Variants in DISP3 observed in about 807,000 individuals in gnomAD.
DISP3 encodes protein dispatched homolog 3.
In DISP3, 101 loss-of-function variants were observed where a neutral mutation model predicts 135.3. The ratio of observed to expected loss-of-function variants is 0.75; its 90% CI spans 0.64 to 0.88. DISP3 has a LOEUF of 0.88. Among genes scored for constraint, DISP3 ranks in the 40% least tolerant of loss-of-function variants. The pLI is 0.00. For synonymous variants in DISP3, 856 were observed against 817.0 expected (o/e 1.05, Z -0.81); for missense variants, 1,713 against 1,878.6 (o/e 0.91, Z 1.63).
chr1:11,479,331 C>T lies in DISP3; in HGVS notation c.-45C>T, dbSNP rs906679483. ...CCCCCCGACCCTCTGCGCACTCTCT[C>T]CCGCGCCGGCGGCTCAGCCTAGCCC... is the stretch of plus-strand genomic sequence containing the variant. On this transcript the variant is annotated 5_prime_UTR_variant, in exon 1 of 21. Coordinates refer to ENST00000294484, the MANE Select transcript of DISP3 (RefSeq NM_020780.2). 1 of 154,546 alleles carries T rather than the reference C, an allele frequency of 6.5e-6. No homozygotes were observed. The highest frequency in any genetic ancestry group is 1.5e-5 in the Non-Finnish European group (1 of 68,128). The allele number at this position is 154,546 out of a possible 1,614,324, so 9.6% of individuals were successfully genotyped here.
chr1:11,493,168 A>T (rs1301264582), intron 1 of DISP3, among the ~76,000 whole-genome samples: 1 of 152,198 alleles, frequency 6.6e-6, no homozygotes, highest in Non-Finnish European at 1.5e-5. Flanking sequence ...CTGATGGTAT[A>T]GTTGCAGTTT....
chr1:11,536,642 C>A lies in DISP3; in HGVS notation c.4135C>A (p.Gln1379Lys). ...GCTGGGTGCCTGCCTCGTGCTCCTG[C>A]AGAGCGGCTATAAGATTCCCCTGCC... ...LGLGACLVLL[Q>K]SGYKIPLPAG... Residue 1379 changes from glutamine (Q) to lysine (K), a missense_variant, in exon 21 of 21, where the codon CAG (glutamine) becomes AAG (lysine). Physicochemically the swap from Gln to Lys is moderately conservative, Grantham distance 53. Around this residue, in one of 2 missense-constraint regions of DISP3, gnomAD observed 1,142 missense variants for 1,384.6 expected, o/e 0.82. Coordinates refer to ENST00000294484, the MANE Select transcript of DISP3 (RefSeq NM_020780.2). This position sits in a 1 kb window ranked among gnomAD's most constrained non-coding sequence, Gnocchi z 4.3. The A allele has an allele frequency of 3.1e-6, 5 of 1,599,764 alleles. No individual in the cohort carries two copies. The highest frequency in any genetic ancestry group is 3.4e-6 in the Non-Finnish European group (4 of 1,174,316).
In DISP3 at chr1:11,529,842, CT is replaced by C. The variant is rs756034378; in HGVS notation, c.2986del (p.Cys996AlafsTer9). The C allele has an allele frequency of 6.2e-7, 1 of 1,614,028 alleles. No individual in the cohort carries two copies. The highest frequency in any genetic ancestry group is 1.1e-5 in the South Asian group (1 of 91,082). The part of the protein sequence containing the change: ...FGFNPCVNTG[C>X]GKPAVRPLVD... Reference sequence around the variant, plus strand: ...GCTTCAACCCCTGCGTGAACACGGGCTGCGGGAAGCCGGCGGTGCGGCCACT... The same window carrying C: ...GCTTCAACCCCTGCGTGAACACGGGCGCGGGAAGCCGGCGGTGCGGCCACT... On this transcript the variant is annotated frameshift_variant, in exon 15 of 21. Coordinates refer to ENST00000294484, the MANE Select transcript of DISP3 (RefSeq NM_020780.2). LOFTEE classifies it high-confidence loss of function. This position sits in a 1 kb window ranked among gnomAD's most constrained non-coding sequence, Gnocchi z 4.7.
chr1:11,523,116 A>C (rs1642295419), intron 10 of DISP3, among the ~76,000 whole-genome samples: 1 of 152,252 alleles, frequency 6.6e-6, no homozygotes, highest in South Asian at 2.1e-4. Flanking sequence ...CGGGGCTGCA[A>C]GTCCCTCCCT....
At chr1:11,498,956 C>A (rs1641420922) in intron 1 of DISP3, among the ~76,000 whole-genome samples, 1 of 152,198 alleles carries the variant, frequency 6.6e-6, no homozygotes, top group Non-Finnish European at 1.5e-5. Context: ...CACTGCCTCT[C>A]CCTCCCTTCC....
At chr1:11,533,739 A>ACACACGCACGCG (rs370458852) in intron 17 of DISP3, 11 of 714,178 alleles carry the variant, frequency 1.5e-5, no homozygotes, top group Middle Eastern at 2.3e-4. Flanking sequence ...ACACGCATGC[A>ACACACGCACGCG]CACACACACG....
At chr1:11,528,200 G>A (rs1642478939) in intron 13 of DISP3, among the ~76,000 whole-genome samples, 1 of 152,184 alleles carries the variant, frequency 6.6e-6, no homozygotes, top group South Asian at 2.1e-4. Context: ...AGGAGAGCGA[G>A]GGGAGGGCCC....
rs2100467419 is a variant in DISP3 at position 11,519,683 on chromosome 1, T to C, written c.2039-36T>C. The C allele has an allele frequency of 6.2e-7, 1 of 1,601,006 alleles. No individual in the cohort carries two copies. The highest frequency in any genetic ancestry group is 8.5e-7 in the Non-Finnish European group (1 of 1,172,588). On this transcript the variant is annotated intron_variant, in intron 8 of 20. Coordinates refer to ENST00000294484, the MANE Select transcript of DISP3 (RefSeq NM_020780.2). The surrounding 1 kb of genome is among the most constrained non-coding windows in gnomAD (Gnocchi z 4.3). ...GAGCGTGGACCACAGTGGGCTTTGA[T>C]TCAGGCTCTGACGGGCCACTGCTCT...
At position 11,531,685 on chromosome 1, in the gene DISP3, A is replaced by G; in HGVS notation, c.3350A>G (p.Gln1117Arg). 1.2e-6 allele frequency: 2 copies of G among 1,609,666 alleles called. No homozygotes were observed. Among genetic ancestry groups the G allele is most frequent in the Non-Finnish European group, 1.7e-6 (2 of 1,177,848 alleles). The change falls in exon 17 of 21, where the codon CAG becomes CGG. Residue 1117 changes from glutamine (Q) to arginine (R), a missense_variant. Transcript: ENST00000294484. The surrounding 1 kb of genome is among the most constrained non-coding windows in gnomAD (Gnocchi z 5.2). ...GTGGGCGTCAGGGAGGGCCGCGTGC[A>G]GTGGATCTCCATGGCTTTCGAGTCG... ...GAVGVREGRVQWISMAFESTT... is the reference protein window; with the variant it reads ...GAVGVREGRVRWISMAFESTT...
At chr1:11,489,520 C>T (rs1316545272) in intron 1 of DISP3, among the ~76,000 whole-genome samples, 1 of 152,210 alleles carries the variant, frequency 6.6e-6, no homozygotes, top group Non-Finnish European at 1.5e-5. Flanking sequence ...ACAGCAGGAT[C>T]CCTGCATGCT....
chr1:11,526,298 C>G (rs967755850), intron 12 of DISP3, among the ~76,000 whole-genome samples: 1 of 152,236 alleles, frequency 6.6e-6, no homozygotes, highest in African/African-American at 2.4e-5. Flanking sequence ...CCTCCTCTCC[C>G]TGCCATTTAT....
rs1032821244 is a variant in DISP3, at chr1:11,491,767, G to A, written c.-3-9223G>A. Among the ~76,000 whole-genome samples, 8 of 152,178 alleles carry A rather than the reference G, an allele frequency of 5.3e-5. No individual in the cohort carries two copies. The highest frequency in any genetic ancestry group is 9.7e-5 in the African/African-American group (4 of 41,446). ...TTTGGGGCAGAGAATAAGGGAGTCC[G>A]CTCCAGTTGACTTGGGGACCTGCCT... On this transcript the variant is annotated intron_variant, in intron 1 of 20. Coordinates refer to ENST00000294484, the MANE Select transcript of DISP3 (RefSeq NM_020780.2). This position sits in a 1 kb window ranked among gnomAD's most constrained non-coding sequence, Gnocchi z 4.3.
intron 3 of DISP3, among the ~76,000 whole-genome samples, chr1:11,506,856 C>T (rs774429105): frequency 1.3e-5 from 2 of 152,176 alleles, no homozygotes; most frequent in South Asian, 2.1e-4. Context: ...GGCTGAAGTG[C>T]AGTGGCATGG....
intron 3 of DISP3, among the ~76,000 whole-genome samples, chr1:11,511,317 C>T (rs574657673): frequency 6.6e-6 from 1 of 152,312 alleles, no homozygotes; most frequent in African/African-American, 2.4e-5. Context: ...GCCTATAAGC[C>T]TATAAAATCA....
chr1:11,522,782 G>A (rs370562682), intron 10 of DISP3, among the ~76,000 whole-genome samples: 1,121 of 19,186 alleles, frequency 0.058, 6 homozygotes, highest in African/African-American at 0.11. Context: ...ACCCAGCCAG[G>A]GCCCAGCCAG....
chr1:11,515,301 G>T, intron 4 of DISP3, 68 bp from the exon 5 acceptor site: 3 of 1,579,884 alleles, frequency 1.9e-6, no homozygotes, highest in South Asian at 1.1e-5. Context: ...TGAGGTCAGG[G>T]ACTCTAGTGG....
intron 1 of DISP3, among the ~76,000 whole-genome samples, chr1:11,488,137 GCAGTTCTTAGTTC>G (rs1641088982): frequency 4.6e-5 from 7 of 152,128 alleles, no homozygotes; most frequent in Admixed American, 4.6e-4. Flanking sequence ...GCTGGGAGCA[GCAGTTCTTAGTTC>G]CTGGGGCCCT....
In DISP3 at chr1:11,517,424, C is replaced by T. The variant is rs571348196; in HGVS notation, c.1750-39C>T. The T allele has an allele frequency of 1.7e-4, 270 of 1,608,830 alleles. 5 individuals carry two copies. The South Asian group carries it at 2.9e-3, about 17-fold the overall frequency. ...CACCCAGGCCCCCTGACTGCAGGTC[C>T]AACCTGTCCCACATCCCTCTCTTCC... On this transcript the variant is annotated intron_variant, in intron 6 of 20. Coordinates refer to ENST00000294484, the MANE Select transcript of DISP3 (RefSeq NM_020780.2).
At chr1:11,535,268 G>T in intron 19 of DISP3, 144 bp downstream of exon 19, 1 of 1,034,984 alleles carries the variant, frequency 9.7e-7, no homozygotes. Context: ...TCTCCTGCAT[G>T]TCTGTGCTCC....
Sources: allele counts gnomAD v4.1 joint callset (sites outside exome capture counted in the v4.1 genomes callset), GRCh38; gene constraint gnomAD v4.1.1; regional missense constraint gnomAD v4.1.1; non-coding constraint Gnocchi (gnomAD v3.1); transcripts MANE v1.5; gene names NCBI Gene and HGNC (gene_info 2026-07-23, HGNC 2026-07-21).